Variants in XAF1 observed in about 807,000 individuals in gnomAD.
XAF1 encodes XIAP-associated factor 1.
Under a neutral mutation model 32.3 loss-of-function variants are expected in XAF1, and 32 were observed. The observed-to-expected ratio is 0.99, with a 90% CI of 0.75 to 1.33. XAF1 has a LOEUF of 1.33. XAF1 is among the 40% of genes most tolerant of loss of function. The pLI is 0.00. For missense variants in XAF1, 379 were observed against 366.0 expected, an observed-to-expected ratio of 1.04 and a Z score of -0.29; for synonymous variants, 120 against 125.9, an observed-to-expected ratio of 0.95 and a Z score of 0.31.
chr17:6,758,898 T>C (rs1254443349), intron 2 of XAF1: 1 of 200,286 alleles, frequency 5.0e-6, no homozygotes. Context: ...GTGGGTCCAG[T>C]CCTCCCTGCA....
chr17:6,762,995 C>T (rs941787261), intron 5 of XAF1, among the ~76,000 whole-genome samples: 5 of 152,174 alleles, frequency 3.3e-5, no homozygotes, highest in African/African-American at 1.2e-4. Context: ...TGTGGTAAAC[C>T]ACGTATAATG....
chr17:6,758,018 T>A, intron 1 of XAF1, 71 bp from the exon 2 acceptor site: 2 of 1,601,682 alleles, frequency 1.2e-6, no homozygotes, highest in Non-Finnish European at 8.5e-7. Flanking sequence ...GCCCTGGGTA[T>A]GAAATACAGC....
intron 6 of XAF1, chr17:6,771,959 A>T (rs2151562805): frequency 6.6e-6 from 1 of 152,288 alleles, no homozygotes; most frequent in South Asian, 2.1e-4. Context: ...CTTTTTCCAC[A>T]CATATTATCT....
At position 6,760,396 on chromosome 17, in the gene XAF1, CCTCCCA is replaced by C; in HGVS notation, c.226-8_226-3del. ...GCCAGTGATCATGCCCTTCCTGCTG[CCTCCCA>C]CAGGCCAATGAGTGCCAGGAGCGCC... On this transcript the variant is annotated splice_region_variant and splice_polypyrimidine_tract_variant and intron_variant, in intron 3 of 6. Coordinates refer to ENST00000361842, the MANE Select transcript of XAF1 (RefSeq NM_017523.5). The C allele has an allele frequency of 6.2e-6, 10 of 1,605,422 alleles. No individual in the cohort carries two copies. In the South Asian group the frequency reaches 1.1e-4, roughly 18 times the overall value.
At chr17:6,767,662 C>A (rs1975712806) in intron 5 of XAF1, among the ~76,000 whole-genome samples, 1 of 152,144 alleles carries the variant, frequency 6.6e-6, no homozygotes. Context: ...ATGCCTTTAT[C>A]ACTCTCAATG....
chr17:6,760,037 G>A (rs966692940), intron 3 of XAF1, among the ~76,000 whole-genome samples: 8 of 152,174 alleles, frequency 5.3e-5, no homozygotes, highest in African/African-American at 1.9e-4. Flanking sequence ...ACAAGTCCTT[G>A]ATCTGCCTAC....
Position 6,758,215 on chromosome 17 carries a change from G to T in XAF1, c.159G>T (p.Glu53Asp). Residue 53 changes from glutamate (E) to aspartate (D), a missense_variant, in exon 2 of 7, where the codon GAG (glutamate) becomes GAT (aspartate). Coordinates refer to ENST00000361842, the MANE Select transcript of XAF1 (RefSeq NM_017523.5). ...KETMEEHCKL[E>D]HQQVGCTMCQ... Reference sequence around the variant, plus strand: ...CCATGGAGGAGCACTGCAAGCTTGAGCACCAGCAGGTGAGGAGGCGGCAGG... The same window carrying T: ...CCATGGAGGAGCACTGCAAGCTTGATCACCAGCAGGTGAGGAGGCGGCAGG... 4 of 1,614,198 alleles carry T rather than the reference G, an allele frequency of 2.5e-6. No homozygotes were observed. The highest frequency in any genetic ancestry group is 3.4e-6 in the Non-Finnish European group (4 of 1,180,022).
rs768721376 is a variant in XAF1 at position 6,759,723 on chromosome 17, G to C, written c.225+5G>C. The C allele has an allele frequency of 7.8e-5, 126 of 1,613,900 alleles. No individual in the cohort carries two copies. The highest frequency in any genetic ancestry group is 1.0e-4 in the Non-Finnish European group (122 of 1,180,022). On this transcript the variant is annotated splice_donor_5th_base_variant and intron_variant, in intron 3 of 6. Transcript: ENST00000361842. ...TCCTCGCTGGAGTTTCATAAGGTAA[G>C]AGCCCCATGTGATTTCTCCTTTACA...
chr17:6,762,972 T>C (rs1254430701), intron 5 of XAF1, among the ~76,000 whole-genome samples: 1 of 152,276 alleles, frequency 6.6e-6, no homozygotes, highest in Non-Finnish European at 1.5e-5. Context: ...TCTTTTCTTT[T>C]TCTTTTTACT....
At chr17:6,766,015 C>T (rs1158176530) in intron 5 of XAF1, among the ~76,000 whole-genome samples, 11 of 152,168 alleles carry the variant, frequency 7.2e-5, no homozygotes, top group Admixed American at 7.2e-4. Context: ...CTGATTGTTT[C>T]TTGAGCATAC....
intron 6 of XAF1, among the ~76,000 whole-genome samples, chr17:6,772,584 C>T (rs1976129702): frequency 6.6e-6 from 1 of 151,142 alleles, no homozygotes; most frequent in African/African-American, 2.4e-5. Context: ...GATTCTCCTG[C>T]CTCAGCCTCC....
At position 6,759,690 on chromosome 17, in the gene XAF1, T is replaced by A; in HGVS notation, c.197T>A (p.Met66Lys). Reference sequence around the variant, plus strand: ...GGGTGTACGATGTGTCAGCAGAGCATGCAGAAGTCCTCGCTGGAGTTTCAT... The same window carrying A: ...GGGTGTACGATGTGTCAGCAGAGCAAGCAGAAGTCCTCGCTGGAGTTTCAT... ...QVGCTMCQQS[M>K]QKSSLEFHKA... The change falls in exon 3 of 7, where the codon ATG becomes AAG. Residue 66 changes from methionine (M) to lysine (K), a missense_variant. Met to Lys is a moderately conservative substitution (Grantham distance 95, BLOSUM62 -1). Transcript: ENST00000361842. 1 of 1,613,836 alleles carries A rather than the reference T, an allele frequency of 6.2e-7. No individual in the cohort carries two copies. The highest frequency in any genetic ancestry group is 1.1e-5 in the South Asian group (1 of 91,064).
intron 4 of XAF1, chr17:6,761,644 G>A (rs1300012307): frequency 3.0e-6 from 1 of 332,350 alleles, no homozygotes; most frequent in Non-Finnish European, 5.4e-6. Context: ...GAAATTGTGA[G>A]AGTCATGTAT....
At chr17:6,759,089 G>T (rs1265967037) in intron 2 of XAF1, 1 of 994,344 alleles carries the variant, frequency 1.0e-6, no homozygotes. Flanking sequence ...GAGGGCTGGG[G>T]ACTTAAGGCA....
chr17:6,759,832 C>G, intron 3 of XAF1, 114 bp downstream of exon 3: 1 of 1,564,470 alleles, frequency 6.4e-7, no homozygotes, highest in Non-Finnish European at 8.7e-7. Context: ...ACTCTTTTCA[C>G]CCCATTAGGC....
rs559628900 is a variant in XAF1 at position 6,775,527 on chromosome 17, G to T, written c.*2358G>T. Reference sequence around the variant, plus strand: ...AATAAACCAACGGGAAAAAAGAAAGGTTCCAGTTTTGTCTGAAAATTCTGA... The same window carrying T: ...AATAAACCAACGGGAAAAAAGAAAGTTTCCAGTTTTGTCTGAAAATTCTGA... On this transcript the variant is annotated 3_prime_UTR_variant, in exon 7 of 7. Transcript: ENST00000361842. The T allele has an allele frequency of 2.0e-5, 3 of 152,330 alleles. No homozygotes were observed. In the South Asian group the frequency reaches 6.2e-4, roughly 32 times the overall value. 9.4% of individuals were successfully genotyped at this position (152,330 alleles called of 1,614,324 possible).
chr17:6,758,117 ACC>A lies in XAF1; in HGVS notation c.63_64del (p.Leu22ProfsTer2). 6.2e-7 allele frequency: 1 copy of A among 1,613,950 alleles called. No individual in the cohort carries two copies. Among genetic ancestry groups the A allele is most frequent in the South Asian group, 1.1e-5 (1 of 91,068 alleles). On this transcript the variant is annotated frameshift_variant, in exon 2 of 7. Transcript: ENST00000361842. LOFTEE classifies it high-confidence loss of function. ...CKRHVVSANF[T>X]LHEAYCLRFL... ...AAGACATGTAGTCTCTGCCAACTTC[ACC>A]CTCCATGAGGCTTACTGCCTGCGGT...
intron 5 of XAF1, among the ~76,000 whole-genome samples, chr17:6,765,206 G>A (rs1975511173): frequency 6.6e-6 from 1 of 152,158 alleles, no homozygotes; most frequent in African/African-American, 2.4e-5. Flanking sequence ...AAGGTCAGGA[G>A]ATCGAGACCA....
At chr17:6,758,362 G>A in intron 2 of XAF1, 138 bp downstream of exon 2, 1 of 1,318,036 alleles carries the variant, frequency 7.6e-7, no homozygotes, top group South Asian at 1.4e-5. Flanking sequence ...GGGAGTCAAG[G>A]CAAGTGTTCA....
Sources: allele counts gnomAD v4.1 joint callset (sites outside exome capture counted in the v4.1 genomes callset), GRCh38; gene constraint gnomAD v4.1.1; transcripts MANE v1.5; gene names NCBI Gene and HGNC (gene_info 2026-07-23, HGNC 2026-07-21).